PRKAR1A: variants seen among roughly 807,000 people sequenced by gnomAD.
The protein encoded by PRKAR1A is protein kinase cAMP-dependent type I regulatory subunit alpha.
In PRKAR1A, 3 loss-of-function variants were observed where a neutral mutation model predicts 52.0. That is an observed-to-expected ratio of 0.06 (90% CI 0.03 to 0.15). The LOEUF is 0.15. Among genes scored for constraint, PRKAR1A ranks in the 10% least tolerant of loss-of-function variants. The pLI, the probability that PRKAR1A is intolerant of heterozygous loss-of-function variation, is 1.00. For missense variants in PRKAR1A, 240 were observed against 477.4 expected (o/e 0.50, Z 4.63); for synonymous variants, 188 against 168.4 (o/e 1.12, Z -0.90).
downstream of PRKAR1A, chr17:68,535,409 G>C (rs1252936003): frequency 6.6e-6 from 3 of 453,996 alleles, no homozygotes; most frequent in South Asian, 4.7e-5. Flanking sequence ...GGCGGGTTTT[G>C]AGGTAGAGCT....
the PRKAR1A span, among the ~76,000 whole-genome samples, chr17:68,468,454 C>T: frequency 5.9e-5 from 9 of 152,170 alleles, no homozygotes; most frequent in Non-Finnish European, 8.8e-5. Context: ...TTTAGGAACA[C>T]TATCAGAAAA....
At chr17:68,495,020 C>T in the PRKAR1A span, among the ~76,000 whole-genome samples, 6 of 152,198 alleles carry the variant, frequency 3.9e-5, no homozygotes, top group African/African-American at 1.4e-4. Flanking sequence ...ACCTTCCCTT[C>T]CTACTGTACT....
At chr17:68,479,435 G>A in the PRKAR1A span, among the ~76,000 whole-genome samples, 1 of 152,110 alleles carries the variant, frequency 6.6e-6, no homozygotes, top group Non-Finnish European at 1.5e-5. Context: ...ATGGGAACTG[G>A]CATGTTTTCC....
At chr17:68,460,230 G>A in the PRKAR1A span, among the ~76,000 whole-genome samples, 1 of 152,130 alleles carries the variant, frequency 6.6e-6, no homozygotes, top group Non-Finnish European at 1.5e-5. Context: ...TGTAGCTGGT[G>A]GCTACTTTAT....
In PRKAR1A at chr17:68,531,095, GTTTC is replaced by G. The variant is rs1311547408; in HGVS notation, c.*649_*652del. 6.4e-5 allele frequency: 68 copies of G among 1,065,802 alleles called. No homozygotes were observed. The highest frequency in any genetic ancestry group is 7.4e-5 in the Non-Finnish European group (65 of 879,766). 66.0% of individuals were successfully genotyped at this position (1,065,802 alleles called of 1,614,324 possible). ...GTTTTATTTATATCTTGTTATTAAT[GTTTC>G]TTCTCCAATTCTGAAATACTTTTGA... is the stretch of plus-strand genomic sequence containing the variant. On this transcript the variant is annotated 3_prime_UTR_variant, in exon 11 of 11. Coordinates refer to ENST00000589228, the MANE Select transcript of PRKAR1A (RefSeq NM_002734.5).
At chr17:68,426,242 T>TGGGGGGGGGGG in the PRKAR1A span, 87 of 682,704 alleles carry the variant, frequency 1.3e-4, 18 homozygotes, top group Admixed American at 2.8e-4. Context: ...ACCTGGCGGG[T>TGGGGGGGGGGG]GGGGAGCGGG....
chr17:68,499,368 AAGAGAGAG>A, the PRKAR1A span, among the ~76,000 whole-genome samples: 1,401 of 140,464 alleles, frequency 1.0e-2, 16 homozygotes, highest in African/African-American at 0.027. Flanking sequence ...AAGGGAGGAA[AAGAGAGAG>A]AGAGAGAGAG....
chr17:68,542,916 A>G lies in PRKAR1A; in HGVS notation c.974-8168A>G, dbSNP rs574432789. On this transcript the variant is annotated intron_variant, in intron 11 of 11. Coordinates refer to the PRKAR1A transcript ENST00000585981. ...TTAGGAATTGGCTGGTGTACCCAGG[A>G]GGGTGGCCGGTGAGGCGTGACTCTG... 69 of 865,058 alleles carry G rather than the reference A, an allele frequency of 8.0e-5. 1 individual carries two copies. In the East Asian group the frequency reaches 1.7e-3, roughly 21 times the overall value. 53.6% of individuals were successfully genotyped at this position (865,058 alleles called of 1,614,324 possible).
At chr17:68,452,933 T>G in the PRKAR1A span, 59 of 1,613,996 alleles carry the variant, frequency 3.7e-5, no homozygotes, top group Middle Eastern at 1.7e-4. Context: ...TTGATCCAGC[T>G]GCTCCACAGA....
chr17:68,510,153 T>TAC (rs1054312292), upstream of PRKAR1A, among the ~76,000 whole-genome samples: 1 of 90,348 alleles, frequency 1.1e-5, no homozygotes, highest in African/African-American at 3.7e-5. Flanking sequence ...TATATATATA[T>TAC]GTAGACAGAG....
At chr17:68,509,975 T>C (rs1384310315), upstream of PRKAR1A, among the ~76,000 whole-genome samples, 1 of 152,194 alleles carries the variant, frequency 6.6e-6, no homozygotes, top group Non-Finnish European at 1.5e-5. Flanking sequence ...AGCAGCTTGC[T>C]TGTTTCCTTA....
the PRKAR1A span, chr17:68,433,413 C>G: frequency 6.8e-7 from 1 of 1,480,372 alleles, no homozygotes; most frequent in Non-Finnish European, 9.4e-7. Flanking sequence ...AGTAGAAGAG[C>G]CTAGGCCTGA....
the PRKAR1A span, chr17:68,420,831 C>T: frequency 1.3e-5 from 3 of 224,762 alleles, no homozygotes; most frequent in South Asian, 8.4e-5. Context: ...ACAGAGCAGA[C>T]ATTCAATACA....
the PRKAR1A span, among the ~76,000 whole-genome samples, chr17:68,436,902 G>C: frequency 2.0e-5 from 3 of 152,068 alleles, no homozygotes; most frequent in Non-Finnish European, 4.4e-5. Context: ...GCTGAGGCAG[G>C]AGAATCGCTT....
chr17:68,528,822 A>G, intron 8 of PRKAR1A, 48 bp from the exon 9 acceptor site: 1 of 1,608,492 alleles, frequency 6.2e-7, no homozygotes, highest in South Asian at 1.1e-5. Context: ...TTACCTTTAT[A>G]ACAGCACCAA....
At chr17:68,417,937 G>GGCCA in the PRKAR1A span, among the ~76,000 whole-genome samples, 1 of 151,482 alleles carries the variant, frequency 6.6e-6, no homozygotes, top group Non-Finnish European at 1.5e-5. Flanking sequence ...TTACCATGTT[G>GGCCA]GCCAGACTGG....
chr17:68,548,829 T>C (rs1171243630), intron 11 of PRKAR1A, among the ~76,000 whole-genome samples: 3 of 144,026 alleles, frequency 2.1e-5, no homozygotes, highest in African/African-American at 7.8e-5. Context: ...GCCTCCCGGG[T>C]TCACGCCATT....
chr17:68,415,942 T>C, the PRKAR1A span, among the ~76,000 whole-genome samples: 824 of 152,310 alleles, frequency 5.4e-3, 6 homozygotes, highest in Non-Finnish European at 9.1e-3. Flanking sequence ...AGGCAGCAGA[T>C]GGTTGGTTGG....
rs1476587776 is a variant in PRKAR1A, at chr17:68,531,821, A to AT, written c.*1379dup. 2.9e-6 allele frequency: 3 copies of AT among 1,034,544 alleles called. No individual in the cohort carries two copies. Among genetic ancestry groups the AT allele is most frequent in the Non-Finnish European group, 2.3e-6 (2 of 851,096 alleles). 64.1% of individuals were successfully genotyped at this position (1,034,544 alleles called of 1,614,324 possible). ...TGATACCCAACAGTTTATTTTTATT[A>AT]TTTTTTTAAACAAAATTTCACAGTT... On this transcript the variant is annotated 3_prime_UTR_variant, in exon 11 of 11. Transcript: ENST00000589228.
Sources: allele counts gnomAD v4.1 joint callset (sites outside exome capture counted in the v4.1 genomes callset), GRCh38; gene constraint gnomAD v4.1.1; transcripts MANE v1.5; gene names NCBI Gene and HGNC (gene_info 2026-07-23, HGNC 2026-07-21).